Variants in SLC16A10 observed in about 807,000 individuals in gnomAD.
SLC16A10 encodes the protein solute carrier family 16 member 10.
Under a neutral mutation model 40.0 loss-of-function variants are expected in SLC16A10, and 27 were observed. That is an observed-to-expected ratio of 0.67 (90% CI 0.50 to 0.93). The LOEUF is 0.93. Among genes scored for constraint, SLC16A10 ranks in the 40% least tolerant of loss-of-function variants. The pLI is 0.00. For missense variants in SLC16A10, 529 were observed against 658.2 expected, an observed-to-expected ratio of 0.80 and a Z score of 2.15; for synonymous variants, 213 against 249.8, an observed-to-expected ratio of 0.85 and a Z score of 1.39.
chr6:111,088,117 G>T, intron 1 of SLC16A10, 22 bp downstream of exon 1: 1 of 1,586,610 alleles, frequency 6.3e-7, no homozygotes. Context: ...CGCCCGCCGA[G>T]GCCAGCCTGG....
At chr6:111,199,845 A>G (rs561540913) in intron 3 of SLC16A10, among the ~76,000 whole-genome samples, 394 of 151,520 alleles carry the variant, frequency 2.6e-3, no homozygotes, top group Non-Finnish European at 4.8e-3. Context: ...AAAAACAAGT[A>G]GAAATAAAGG....
At chr6:111,213,679 A>G (rs1189231069) in intron 4 of SLC16A10, among the ~76,000 whole-genome samples, 1 of 152,198 alleles carries the variant, frequency 6.6e-6, no homozygotes, top group Admixed American at 6.5e-5. Context: ...AACGTATCAA[A>G]TGCATGTTTC....
chr6:111,155,805 A>C (rs2114520914), intron 1 of SLC16A10, among the ~76,000 whole-genome samples: 1 of 152,344 alleles, frequency 6.6e-6, no homozygotes, highest in East Asian at 1.9e-4. Flanking sequence ...GTATATGTAC[A>C]TGTATTTTCT....
intron 1 of SLC16A10, among the ~76,000 whole-genome samples, chr6:111,151,416 A>G (rs777230383): frequency 1.3e-5 from 2 of 152,102 alleles, no homozygotes; most frequent in Non-Finnish European, 2.9e-5. Context: ...ATCTTTTTTA[A>G]TCTAATGGAT....
At chr6:111,107,529 C>T (rs1771305119) in intron 1 of SLC16A10, among the ~76,000 whole-genome samples, 1 of 152,164 alleles carries the variant, frequency 6.6e-6, no homozygotes, top group African/African-American at 2.4e-5. Context: ...AGTAGACCAT[C>T]CGTGTCAATT....
At chr6:111,089,967 G>A (rs1332461120) in intron 1 of SLC16A10, among the ~76,000 whole-genome samples, 1 of 105,842 alleles carries the variant, frequency 9.4e-6, no homozygotes, top group Non-Finnish European at 1.7e-5. Flanking sequence ...GAGAGCAATT[G>A]CCAGAGAGAC....
chr6:111,146,586 A>G (rs1267073752), intron 1 of SLC16A10, among the ~76,000 whole-genome samples: 2 of 150,984 alleles, frequency 1.3e-5, no homozygotes, highest in African/African-American at 2.4e-5. Context: ...AATACAAAAA[A>G]TTAGCTGGGC....
chr6:111,151,938 A>G lies in SLC16A10; in HGVS notation c.344-20757A>G, dbSNP rs1772179713. Among the ~76,000 whole-genome samples, 3 of 151,948 alleles carry G rather than the reference A, an allele frequency of 2.0e-5. 1 individual carries two copies. In the South Asian group the frequency reaches 6.2e-4, roughly 32 times the overall value. ...TAAGTTGTCCCACAACACACAGTAC[A>G]CACCTTGGTCGATTATCACACTGTT... On this transcript the variant is annotated intron_variant, in intron 1 of 5. Transcript: ENST00000368851.
At chr6:111,131,175 C>T (rs547153682) in intron 1 of SLC16A10, among the ~76,000 whole-genome samples, 1 of 152,364 alleles carries the variant, frequency 6.6e-6, no homozygotes, top group East Asian at 1.9e-4. Context: ...GCAGACCCGC[C>T]GCTGACTTCC....
At chr6:111,174,471 A>G (rs1231734110) in intron 2 of SLC16A10, among the ~76,000 whole-genome samples, 1 of 151,062 alleles carries the variant, frequency 6.6e-6, no homozygotes, top group Admixed American at 6.6e-5. Context: ...TAAAAATTAT[A>G]TTTATTTCTT....
At chr6:111,126,968 G>A (rs1343401612) in intron 1 of SLC16A10, among the ~76,000 whole-genome samples, 1 of 152,090 alleles carries the variant, frequency 6.6e-6, no homozygotes, top group Non-Finnish European at 1.5e-5. Context: ...GGCAAAAACC[G>A]CAATTACTTT....
chr6:111,224,823 T>G lies in SLC16A10; in HGVS notation c.*2588T>G, dbSNP rs1770961712. 6.6e-6 allele frequency: 1 copy of G among 152,216 alleles called. No individual in the cohort carries two copies. Among genetic ancestry groups the G allele is most frequent in the Non-Finnish European group, 1.5e-5 (1 of 68,034 alleles). The allele number at this position is 152,216 out of a possible 1,614,324, so 9.4% of individuals were successfully genotyped here. On this transcript the variant is annotated 3_prime_UTR_variant, in exon 6 of 6. Transcript: ENST00000368851. ...TCTGAATGAAGTGTTACTGCTGCAATAAAGTGACCTGATAAGCCTAAATTT... is the reference window on the plus strand; with the variant it reads ...TCTGAATGAAGTGTTACTGCTGCAAGAAAGTGACCTGATAAGCCTAAATTT...
chr6:111,139,092 C>CTTCTTT (rs202229156), intron 1 of SLC16A10, among the ~76,000 whole-genome samples: 1,495 of 118,708 alleles, frequency 0.013, 27 homozygotes, highest in South Asian at 0.025. Flanking sequence ...TCTTCTTCTT[C>CTTCTTT]TTTTTTTTTT....
intron 1 of SLC16A10, among the ~76,000 whole-genome samples, chr6:111,161,222 C>CAAAAAAAAAA (rs57463212): frequency 7.1e-5 from 3 of 42,422 alleles, no homozygotes; most frequent in Non-Finnish European, 1.2e-4. Context: ...GACAGTGTCT[C>CAAAAAAAAAA]AAAAAAAAAA....
chr6:111,139,667 T>A (rs1188890160), intron 1 of SLC16A10, among the ~76,000 whole-genome samples: 1 of 152,228 alleles, frequency 6.6e-6, no homozygotes, highest in African/African-American at 2.4e-5. Context: ...CTTTATGCAT[T>A]CTATCATTGA....
intron 1 of SLC16A10, among the ~76,000 whole-genome samples, chr6:111,104,076 C>T (rs1194451074): frequency 6.6e-6 from 1 of 152,104 alleles, no homozygotes; most frequent in Non-Finnish European, 1.5e-5. Flanking sequence ...TTTGATTTGT[C>T]GAGGGCCGAG....
At chr6:111,135,180 C>T (rs965352718) in intron 1 of SLC16A10, among the ~76,000 whole-genome samples, 3 of 152,118 alleles carry the variant, frequency 2.0e-5, no homozygotes, top group East Asian at 3.8e-4. Flanking sequence ...TTTGTTGTCC[C>T]CTGCTGGAGG....
At chr6:111,179,579 G>A (rs1189660357) in intron 3 of SLC16A10, among the ~76,000 whole-genome samples, 1 of 152,150 alleles carries the variant, frequency 6.6e-6, no homozygotes, top group African/African-American at 2.4e-5. Context: ...TAATAAGCAT[G>A]TTATTTCTTC....
At chr6:111,210,995 C>T (rs1011245191) in intron 4 of SLC16A10, among the ~76,000 whole-genome samples, 1 of 150,168 alleles carries the variant, frequency 6.7e-6, no homozygotes, top group African/African-American at 2.5e-5. Flanking sequence ...TGCACTCCAG[C>T]CTGGGTGACA....
Sources: gnomAD v4.1 joint callset for allele counts (sites outside exome capture counted in the v4.1 genomes callset) on GRCh38, gnomAD v4.1.1 for gene constraint, MANE v1.5 for transcripts, NCBI Gene and HGNC (gene_info 2026-07-23, HGNC 2026-07-21) for gene names.